Variants in ATXN2 observed in about 807,000 individuals in gnomAD.
The protein encoded by ATXN2 is ataxin-2.
In ATXN2, 37 loss-of-function variants were observed where a neutral mutation model predicts 138.6. The observed-to-expected ratio is 0.27, with a 90% CI of 0.21 to 0.35. The LOEUF (loss-of-function observed/expected upper bound fraction) is 0.35, where lower values mean the gene tolerates loss of function less well. ATXN2 is among the 10% of genes least tolerant of loss of function. ATXN2 has a pLI of 1.00. For synonymous variants in ATXN2, 549 were observed against 543.7 expected (o/e 1.01, Z -0.13); for missense variants, 1,216 against 1,480.3 (o/e 0.82, Z 2.93).
rs1885071583 is a variant in ATXN2 at position 111,598,751 on chromosome 12, C to T, written c.251+33G>A. The T allele has an allele frequency of 3.4e-6, 4 of 1,176,900 alleles. No individual in the cohort carries two copies. Among genetic ancestry groups the T allele is most frequent in the South Asian group, 4.1e-5 (1 of 24,684 alleles). The allele number at this position is 1,176,900 out of a possible 1,614,324, so 72.9% of individuals were successfully genotyped here. On this transcript the variant is annotated intron_variant, in intron 1 of 24. Transcript: ENST00000673436. This position sits in a 1 kb window ranked among gnomAD's most constrained non-coding sequence, Gnocchi z 4.5. The stretch of plus-strand genomic sequence containing the variant: ...GCCGCGGGGGAGGGGACGCCGGGCC[C>T]GGAGCGGAGGGGGCTGGGGTGCCGA...
At chr12:111,487,130 G>A (rs925469276) in intron 15 of ATXN2, among the ~76,000 whole-genome samples, 2 of 151,898 alleles carry the variant, frequency 1.3e-5, no homozygotes, top group African/African-American at 2.4e-5. Flanking sequence ...TCAGGTTGGA[G>A]TGCAGCAGTG....
intron 18 of ATXN2, among the ~76,000 whole-genome samples, chr12:111,478,227 T>A (rs1876963085): frequency 6.6e-6 from 1 of 151,990 alleles, no homozygotes; most frequent in Non-Finnish European, 1.5e-5. Flanking sequence ...ACCAACATGG[T>A]GAAACCCCAC....
chr12:111,526,468 C>T (rs1181162623), intron 5 of ATXN2, among the ~76,000 whole-genome samples: 1 of 151,190 alleles, frequency 6.6e-6, no homozygotes, highest in Non-Finnish European at 1.5e-5. Flanking sequence ...GCAGTGACAC[C>T]ATCTCGGCTC....
chr12:111,510,087 T>C, intron 12 of ATXN2, 89 bp from the exon 13 acceptor site: 5 of 1,010,282 alleles, frequency 4.9e-6, no homozygotes, highest in Non-Finnish European at 7.3e-6. Flanking sequence ...TCCTATGTTT[T>C]TGGAAAATAA....
At chr12:111,571,825 A>C (rs908692825) in intron 1 of ATXN2, among the ~76,000 whole-genome samples, 3 of 151,560 alleles carry the variant, frequency 2.0e-5, no homozygotes, top group Non-Finnish European at 4.4e-5. Context: ...CAGCCTGGCC[A>C]ATGTGGCGAA....
At chr12:111,538,042 G>A (rs1881289905) in intron 5 of ATXN2, among the ~76,000 whole-genome samples, 1 of 151,788 alleles carries the variant, frequency 6.6e-6, no homozygotes, top group African/African-American at 2.4e-5. Flanking sequence ...GTTATGGTGA[G>A]CTACGATGGC....
intron 1 of ATXN2, among the ~76,000 whole-genome samples, chr12:111,585,762 T>C (rs1025246113): frequency 2.2e-5 from 3 of 135,656 alleles, no homozygotes; most frequent in Non-Finnish European, 4.5e-5. Flanking sequence ...GATGGCGCCA[T>C]TGCACTCCAG....
At chr12:111,564,459 T>C (rs540418316) in intron 1 of ATXN2, among the ~76,000 whole-genome samples, 31 of 150,014 alleles carry the variant, frequency 2.1e-4, no homozygotes, top group African/African-American at 6.7e-4. Flanking sequence ...GAGTTGCTTA[T>C]GGTAAAAGGA....
In ATXN2 at chr12:111,599,005, C is replaced by G; in HGVS notation, c.30G>C (p.Gln10His). 6.6e-7 allele frequency: 1 copy of G among 1,503,882 alleles called. No individual in the cohort carries two copies. The highest frequency in any genetic ancestry group is 8.9e-7 in the Non-Finnish European group (1 of 1,129,304). 93.2% of individuals were successfully genotyped at this position (1,503,882 alleles called of 1,614,324 possible). MSLKPQQQQ[Q>H]QQQQQQQQQQ... ...GCTGCTGCTGCTGCTGCTGCTGCTG[C>G]TGCTGCTGCTGCTGGGGCTTCAGCG... is the stretch of plus-strand genomic sequence containing the variant. Residue 10 changes from glutamine to histidine, a missense_variant, in exon 1 of 25, where the codon CAG becomes CAC. Around this residue, in one of 4 missense-constraint regions of ATXN2, gnomAD observed 110 missense variants for 88.7 expected, o/e 1.24. Coordinates refer to ENST00000673436, the MANE Select transcript of ATXN2 (RefSeq NM_001372574.1).
intron 17 of ATXN2, 24 bp downstream of exon 17, chr12:111,485,689 T>C (rs771708173): frequency 6.2e-7 from 1 of 1,612,652 alleles, no homozygotes; most frequent in South Asian, 1.1e-5. Flanking sequence ...GGAGGCTAAG[T>C]GAACATCAAA....
At chr12:111,527,449 T>C (rs931839988) in intron 5 of ATXN2, among the ~76,000 whole-genome samples, 1 of 152,214 alleles carries the variant, frequency 6.6e-6, no homozygotes, top group Non-Finnish European at 1.5e-5. Context: ...GGCAAAGTGA[T>C]GCCAAAATAA....
At chr12:111,460,715 G>T (rs937623459) in intron 21 of ATXN2, among the ~76,000 whole-genome samples, 1 of 151,930 alleles carries the variant, frequency 6.6e-6, no homozygotes, top group African/African-American at 2.4e-5. Flanking sequence ...TTATGCCCAT[G>T]AAATCTCATA....
At position 111,552,724 on chromosome 12, in the gene ATXN2, G is replaced by T. The variant is rs190122393; in HGVS notation, c.420+182C>A. 4.7e-5 allele frequency: 26 copies of T among 552,820 alleles called. No homozygotes were observed. In the East Asian group the frequency reaches 5.5e-4, roughly 12 times the overall value. The allele number at this position is 552,820 out of a possible 1,614,324, so 34.2% of individuals were successfully genotyped here. On this transcript the variant is annotated intron_variant, in intron 4 of 24. Coordinates refer to ENST00000673436, the MANE Select transcript of ATXN2 (RefSeq NM_001372574.1). The surrounding 1 kb of genome is among the most constrained non-coding windows in gnomAD (Gnocchi z 4.1). ...TAGCTCACAATGCTTAAAAATGGTT[G>T]AAATATTTTAATAAGCACACACATC...
chr12:111,558,472 G>C (rs1242624700), intron 1 of ATXN2, among the ~76,000 whole-genome samples: 1 of 152,124 alleles, frequency 6.6e-6, no homozygotes, highest in African/African-American at 2.4e-5. Flanking sequence ...TGAAATTCAA[G>C]TGTGACTTAA....
At chr12:111,591,624 A>G (rs1389295089) in intron 1 of ATXN2, among the ~76,000 whole-genome samples, 3 of 151,276 alleles carry the variant, frequency 2.0e-5, no homozygotes, top group Non-Finnish European at 4.4e-5. Flanking sequence ...TGGGTGACAG[A>G]GGGAGACCTT....
At chr12:111,596,532 C>G (rs1329849932) in intron 1 of ATXN2, among the ~76,000 whole-genome samples, 1 of 152,088 alleles carries the variant, frequency 6.6e-6, no homozygotes, top group Non-Finnish European at 1.5e-5. Flanking sequence ...TGTTGATACG[C>G]ACAAACCTAA....
intron 14 of ATXN2, among the ~76,000 whole-genome samples, chr12:111,501,799 A>AT (rs1878784929): frequency 6.6e-6 from 1 of 152,208 alleles, no homozygotes; most frequent in African/African-American, 2.4e-5. Context: ...TTTAATTATC[A>AT]TAAGAGTTCT....
intron 1 of ATXN2, among the ~76,000 whole-genome samples, chr12:111,589,018 A>AAAAAAAAAAC (rs1566084089): frequency 7.2e-6 from 1 of 138,924 alleles, no homozygotes; most frequent in Non-Finnish European, 1.5e-5. Context: ...AAAAAAAAAA[A>AAAAAAAAAAC]AAAAAACTAA....
At chr12:111,557,333 C>G (rs991391620) in intron 1 of ATXN2, among the ~76,000 whole-genome samples, 7 of 152,192 alleles carry the variant, frequency 4.6e-5, no homozygotes, top group Non-Finnish European at 1.0e-4. Context: ...AACTCTGTCA[C>G]TTTTCCTCAC....
Sources: gnomAD v4.1 joint callset for allele counts (sites outside exome capture counted in the v4.1 genomes callset) on GRCh38, gnomAD v4.1.1 for gene constraint, gnomAD v4.1.1 regional missense constraint, Gnocchi (gnomAD v3.1) non-coding constraint, MANE v1.5 for transcripts, NCBI Gene and HGNC (gene_info 2026-07-23, HGNC 2026-07-21) for gene names.